ROCK2: variants seen among roughly 807,000 people sequenced by gnomAD.
The protein encoded by ROCK2 is Rho associated coiled-coil containing protein kinase 2, also known as rho-associated protein kinase 2.
Under a neutral mutation model 195.1 loss-of-function variants are expected in ROCK2, and 61 were observed. The ratio of observed to expected loss-of-function variants is 0.31; its 90% CI spans 0.25 to 0.39. The LOEUF is 0.39. Among genes scored for constraint, ROCK2 ranks in the 10% least tolerant of loss-of-function variants. The pLI is 1.00. For synonymous variants in ROCK2, 504 were observed against 545.5 expected, an observed-to-expected ratio of 0.92 and a Z score of 1.06; for missense variants, 1,109 against 1,637.4, an observed-to-expected ratio of 0.68 and a Z score of 5.57.
intron 3 of ROCK2, among the ~76,000 whole-genome samples, chr2:11,263,488 CTAAG>C (rs1425189878): frequency 6.6e-6 from 1 of 151,770 alleles, no homozygotes; most frequent in Admixed American, 6.6e-5. Flanking sequence ...GTGTTCCTGA[CTAAG>C]TAAGATAATC....
intron 4 of ROCK2, among the ~76,000 whole-genome samples, chr2:11,245,103 C>A (rs1665566407): frequency 1.3e-5 from 2 of 151,732 alleles, no homozygotes; most frequent in Admixed American, 6.6e-5. Flanking sequence ...ACTTTGAAAT[C>A]TTTTTCAGTG....
At chr2:11,214,194 G>A (rs1396424418) in intron 17 of ROCK2, among the ~76,000 whole-genome samples, 163 bp downstream of exon 17, 8 of 152,004 alleles carry the variant, frequency 5.3e-5, no homozygotes, top group African/African-American at 1.9e-4. Flanking sequence ...GTTATGGTAA[G>A]CCTGCAGATA....
chr2:11,200,457 T>A (rs1321647915), intron 23 of ROCK2, among the ~76,000 whole-genome samples: 1 of 152,208 alleles, frequency 6.6e-6, no homozygotes, highest in Non-Finnish European at 1.5e-5. Flanking sequence ...GCCACTCCCA[T>A]CATATATACC....
At chr2:11,211,313 C>T (rs1300092147) in intron 18 of ROCK2, among the ~76,000 whole-genome samples, 1 of 152,108 alleles carries the variant, frequency 6.6e-6, no homozygotes, top group Non-Finnish European at 1.5e-5. Context: ...CAAGAATTAC[C>T]TGTATCAATA....
chr2:11,212,663 A>C (rs1664290643), intron 17 of ROCK2, among the ~76,000 whole-genome samples: 1 of 152,168 alleles, frequency 6.6e-6, no homozygotes, highest in Non-Finnish European at 1.5e-5. Context: ...TATCATAAAT[A>C]TGATAAAGGC....
At chr2:11,204,994 T>C (rs1211823742) in intron 20 of ROCK2, among the ~76,000 whole-genome samples, 1 of 152,204 alleles carries the variant, frequency 6.6e-6, no homozygotes, top group Admixed American at 6.5e-5. Flanking sequence ...TGGGAAAAAC[T>C]TTAATCTCTA....
chr2:11,282,241 C>T (rs1667030326), intron 3 of ROCK2, among the ~76,000 whole-genome samples: 1 of 152,058 alleles, frequency 6.6e-6, no homozygotes, highest in Non-Finnish European at 1.5e-5. Context: ...GTCCCAGCTA[C>T]TCGAGAGGCT....
upstream of ROCK2, among the ~76,000 whole-genome samples, chr2:11,345,138 C>G (rs892115224): frequency 6.6e-6 from 1 of 152,178 alleles, no homozygotes; most frequent in East Asian, 1.9e-4. Context: ...GCCGCAGGGC[C>G]GGGGGTTTCG....
At chr2:11,295,966 A>AAGAGAGAGAGAGAG (rs11413362) in intron 1 of ROCK2, among the ~76,000 whole-genome samples, 6,162 of 77,590 alleles carry the variant, frequency 0.079, 761 homozygotes, top group East Asian at 0.17. Context: ...CAAAAAACAA[A>AAGAGAGAGAGAGAG]AGAGAGAGAG....
intron 3 of ROCK2, among the ~76,000 whole-genome samples, chr2:11,256,668 C>G (rs1434270408): frequency 6.6e-6 from 1 of 150,946 alleles, no homozygotes; most frequent in Non-Finnish European, 1.5e-5. Context: ...ACCATGCAAA[C>G]TGCAAGGGTA....
chr2:11,295,855 G>A (rs981600845), intron 1 of ROCK2, among the ~76,000 whole-genome samples: 4 of 152,016 alleles, frequency 2.6e-5, no homozygotes, highest in African/African-American at 9.7e-5. Flanking sequence ...TACTTGGAAG[G>A]CCGAGGCAGG....
At chr2:11,296,313 A>C in intron 1 of ROCK2, among the ~76,000 whole-genome samples, 1 of 152,178 alleles carries the variant, frequency 6.6e-6, no homozygotes, top group East Asian at 1.9e-4. Context: ...TACAACAAAC[A>C]GATAAAGTTT....
intron 1 of ROCK2, among the ~76,000 whole-genome samples, chr2:11,296,131 CTT>C (rs148021879): frequency 0.044 from 6,599 of 150,646 alleles, 267 homozygotes; most frequent in Non-Finnish European, 0.06. Context: ...GGAGGAACAA[CTT>C]TTCCTATAAA....
intron 32 of ROCK2, among the ~76,000 whole-genome samples, chr2:11,187,012 G>A (rs1007204442): frequency 4.6e-5 from 7 of 152,128 alleles, no homozygotes; most frequent in African/African-American, 1.7e-4. Flanking sequence ...TCAGGCCTGC[G>A]AAACTTATTG....
intron 1 of ROCK2, chr2:11,308,292 T>C (rs942873344): frequency 8.9e-7 from 1 of 1,123,508 alleles, no homozygotes; most frequent in Non-Finnish European, 1.4e-6. Flanking sequence ...TTGGAGAACC[T>C]GAAGAAGCTA....
At chr2:11,292,708 A>C (rs1282198370) in intron 1 of ROCK2, among the ~76,000 whole-genome samples, 1 of 152,226 alleles carries the variant, frequency 6.6e-6, no homozygotes, top group East Asian at 1.9e-4. Context: ...AATTTGTAAC[A>C]CATTTCCTCT....
At chr2:11,250,345 A>T (rs1665787609) in intron 3 of ROCK2, among the ~76,000 whole-genome samples, 1 of 152,194 alleles carries the variant, frequency 6.6e-6, no homozygotes, top group Non-Finnish European at 1.5e-5. Flanking sequence ...ACTACCAATG[A>T]TGAGGTCATT....
intron 1 of ROCK2, among the ~76,000 whole-genome samples, chr2:11,310,332 A>G (rs938902229): frequency 3.3e-5 from 5 of 152,228 alleles, no homozygotes; most frequent in African/African-American, 1.2e-4. Flanking sequence ...TTTTTAAAAA[A>G]AAGGTTAAAG....
intron 3 of ROCK2, among the ~76,000 whole-genome samples, chr2:11,279,375 A>C (rs1003394765): frequency 8.5e-5 from 13 of 152,244 alleles, no homozygotes; most frequent in Non-Finnish European, 2.9e-5. Context: ...AAGCAGAAGT[A>C]GCTATATTAA....
Sources: allele counts gnomAD v4.1 joint callset (sites outside exome capture counted in the v4.1 genomes callset), GRCh38; gene constraint gnomAD v4.1.1; transcripts MANE v1.5; gene names NCBI Gene and HGNC (gene_info 2026-07-23, HGNC 2026-07-21).